Variants in CFAP144 observed in about 807,000 individuals in gnomAD.
CFAP144 encodes cilia and flagella associated protein 144.
chr1:43,156,350 C>A, the CFAP144 span: 2 of 1,464,032 alleles, frequency 1.4e-6, no homozygotes, highest in East Asian at 2.3e-5. Flanking sequence ...GATCTAATGC[C>A]TTAAGTGTGC....
At chr1:43,147,839 C>T in the CFAP144 span, 4 of 1,541,270 alleles carry the variant, frequency 2.6e-6, no homozygotes, top group Non-Finnish European at 3.5e-6. Context: ...GGCAGCACTA[C>T]CCGAGCGCTG....
chr1:43,155,652 G>C, the CFAP144 span, among the ~76,000 whole-genome samples: 1 of 152,168 alleles, frequency 6.6e-6, no homozygotes, highest in Admixed American at 6.5e-5. Flanking sequence ...AAGTAGCTGG[G>C]CCAGAAGAGG....
chr1:43,151,794 G>A, the CFAP144 span, among the ~76,000 whole-genome samples: 1 of 152,144 alleles, frequency 6.6e-6, no homozygotes, highest in Non-Finnish European at 1.5e-5. Flanking sequence ...GGCTCTCAGA[G>A]CATTACGAAG....
At chr1:43,152,032 A>G in the CFAP144 span, among the ~76,000 whole-genome samples, 1 of 152,092 alleles carries the variant, frequency 6.6e-6, no homozygotes, top group Non-Finnish European at 1.5e-5. Flanking sequence ...ACCTTCCTTC[A>G]TTTCATTCCC....
At chr1:43,148,372 CTGTT>C in the CFAP144 span, among the ~76,000 whole-genome samples, 1 of 151,894 alleles carries the variant, frequency 6.6e-6, no homozygotes, top group African/African-American at 2.4e-5. Context: ...ATTTTGCAGG[CTGTT>C]TGTGTTTTGT....
At chr1:43,154,214 TA>T in the CFAP144 span, among the ~76,000 whole-genome samples, 2,663 of 126,252 alleles carry the variant, frequency 0.021, 48 homozygotes, top group Non-Finnish European at 0.03. Context: ...ATATATAAAT[TA>T]TTATATAAAT....
At chr1:43,147,847 C>T in the CFAP144 span, 1 of 1,548,666 alleles carries the variant, frequency 6.5e-7, no homozygotes, top group East Asian at 2.4e-5. Context: ...TACCCGAGCG[C>T]TGTTGCCTGG....
the CFAP144 span, chr1:43,145,065 T>C: frequency 5.1e-6 from 3 of 584,888 alleles, no homozygotes; most frequent in African/African-American, 5.6e-5. Flanking sequence ...TATTTCTATT[T>C]TGTCTCCATT....
the CFAP144 span, chr1:43,145,197 C>T: frequency 4.9e-6 from 7 of 1,443,232 alleles, no homozygotes; most frequent in Admixed American, 2.0e-5. Context: ...CTGGCTTCTC[C>T]ACGGAACTTG....
the CFAP144 span, among the ~76,000 whole-genome samples, chr1:43,148,969 T>C: frequency 6.6e-6 from 1 of 152,142 alleles, no homozygotes; most frequent in Admixed American, 6.5e-5. Flanking sequence ...ATGCTCTAAG[T>C]AGCACCTCAA....
the CFAP144 span, chr1:43,156,395 A>T: frequency 8.8e-7 from 1 of 1,132,226 alleles, no homozygotes; most frequent in Admixed American, 1.8e-5. Flanking sequence ...CTTTAAAACG[A>T]AGTTTCACTT....
chr1:43,147,722 C>G, the CFAP144 span: 1 of 1,360,650 alleles, frequency 7.3e-7, no homozygotes, highest in Non-Finnish European at 9.6e-7. Context: ...CAAGTGAGTA[C>G]AGTGCCAGAA....
At chr1:43,145,986 A>G in the CFAP144 span, among the ~76,000 whole-genome samples, 3 of 152,324 alleles carry the variant, frequency 2.0e-5, no homozygotes, top group Admixed American at 6.5e-5. Context: ...AGGAAGGACT[A>G]TCTCTTCAAT....
At chr1:43,148,217 T>G in the CFAP144 span, 38 of 925,548 alleles carry the variant, frequency 4.1e-5, no homozygotes, top group Admixed American at 5.7e-5. Context: ...CTTTCCTAGA[T>G]TTCAGGAACC....
chr1:43,151,294 T>A, the CFAP144 span, among the ~76,000 whole-genome samples: 1 of 152,228 alleles, frequency 6.6e-6, no homozygotes, highest in Non-Finnish European at 1.5e-5. Context: ...CAGTAGCTGG[T>A]ACATGGTCCT....
At chr1:43,147,776 C>A in the CFAP144 span, 2,946 of 1,453,726 alleles carry the variant, frequency 2.0e-3, 43 homozygotes, top group African/African-American at 0.036. Flanking sequence ...GGGCGCGGGG[C>A]GGGGCGATGC....
chr1:43,147,770 G>A, the CFAP144 span: 8 of 1,447,420 alleles, frequency 5.5e-6, no homozygotes, highest in African/African-American at 1.2e-4. Context: ...ACCGGCGGGC[G>A]CGGGGCGGGG....
At chr1:43,143,722 A>G in the CFAP144 span, among the ~76,000 whole-genome samples, 1 of 152,216 alleles carries the variant, frequency 6.6e-6, no homozygotes, top group Non-Finnish European at 1.5e-5. Flanking sequence ...GTTAAGAGTA[A>G]GTCATCAAAC....
At chr1:43,147,684 G>C in the CFAP144 span, 3 of 808,546 alleles carry the variant, frequency 3.7e-6, no homozygotes, top group Non-Finnish European at 4.5e-6. Flanking sequence ...GGACCTTCTA[G>C]TAACCAGCCG....
Sources: allele counts gnomAD v4.1 joint callset (sites outside exome capture counted in the v4.1 genomes callset), GRCh38; gene constraint gnomAD v4.1.1; transcripts MANE v1.5; gene names NCBI Gene and HGNC (gene_info 2026-07-23, HGNC 2026-07-21).